Variants in SHISA5 observed in about 807,000 individuals in gnomAD.
The protein encoded by SHISA5 is protein shisa-5.
A neutral mutation model predicts 27.5 loss-of-function variants in SHISA5; 21 were observed. That is an observed-to-expected ratio of 0.76 (90% CI 0.54 to 1.10). The LOEUF (loss-of-function observed/expected upper bound fraction) is 1.10, where lower values mean the gene tolerates loss of function less well. Among genes scored for constraint, SHISA5 ranks in the 50% least tolerant of loss-of-function variants. The probability of loss-of-function intolerance (pLI) is 0.00; values close to 1 mark genes in which losing one functional copy is unlikely to be tolerated. For missense variants in SHISA5, 314 were observed against 336.3 expected (o/e 0.93, Z 0.52); for synonymous variants, 137 against 142.2 (o/e 0.96, Z 0.26).
intron 2 of SHISA5, among the ~76,000 whole-genome samples, chr3:48,491,705 G>A (rs1251250442): frequency 6.6e-6 from 1 of 151,970 alleles, no homozygotes; most frequent in African/African-American, 2.4e-5. Context: ...GGAGTAGAGT[G>A]GCACGATCTC....
Position 48,473,551 on chromosome 3 carries a change from T to A in SHISA5, c.315-3708A>T. ...GCAAAGTCCAGCCTGTCCCTTTAGCTCCTCCTCTCCCACCAGCACTCTCTC... is the reference window on the plus strand; with the variant it reads ...GCAAAGTCCAGCCTGTCCCTTTAGCACCTCCTCTCCCACCAGCACTCTCTC... On this transcript the variant is annotated intron_variant, in intron 3 of 5. Coordinates refer to ENST00000296444, the MANE Select transcript of SHISA5 (RefSeq NM_016479.6). The surrounding 1 kb of genome is among the most constrained non-coding windows in gnomAD (Gnocchi z 4.3). 1 of 1,278,994 alleles carries A rather than the reference T, an allele frequency of 7.8e-7. No homozygotes were observed. The allele number at this position is 1,278,994 out of a possible 1,614,324, so 79.2% of individuals were successfully genotyped here.
intron 2 of SHISA5, among the ~76,000 whole-genome samples, chr3:48,486,055 A>G (rs1185668604): frequency 6.7e-6 from 1 of 150,214 alleles, no homozygotes; most frequent in East Asian, 1.9e-4. Context: ...TGAGAACGCT[A>G]GAGTTACTGC....
chr3:48,487,027 C>T (rs1298051231), intron 2 of SHISA5, among the ~76,000 whole-genome samples: 1 of 151,938 alleles, frequency 6.6e-6, no homozygotes, highest in Non-Finnish European at 1.5e-5. Context: ...GGAAGGATTG[C>T]TTAAGCCCAG....
chr3:48,492,263 G>A (rs1307847075), intron 2 of SHISA5, among the ~76,000 whole-genome samples: 2 of 149,862 alleles, frequency 1.3e-5, no homozygotes, highest in East Asian at 4.0e-4. Flanking sequence ...GAGGTCAGGA[G>A]ATCAAGACCA....
chr3:48,477,107 A>AG, intron 3 of SHISA5: 1 of 413,276 alleles, frequency 2.4e-6, no homozygotes, highest in Non-Finnish European at 4.8e-6. Flanking sequence ...ACATTGAGAA[A>AG]AAAAAAAAAA....
intron 2 of SHISA5, among the ~76,000 whole-genome samples, chr3:48,483,141 G>T (rs1390632129): frequency 6.6e-6 from 1 of 151,792 alleles, no homozygotes; most frequent in Non-Finnish European, 1.5e-5. Context: ...CGCAGAGGGG[G>T]ATTTGGCAGA....
At chr3:48,502,284 G>A (rs1421533340) in intron 1 of SHISA5, 1 of 428,604 alleles carries the variant, frequency 2.3e-6, no homozygotes, top group Non-Finnish European at 4.8e-6. Context: ...TAACCATGAT[G>A]GCAGGCTAGA....
At position 48,501,172 on chromosome 3, in the gene SHISA5, C is replaced by G. The variant is rs769707603; in HGVS notation, c.198G>C (p.Val66=). 2 of 1,614,016 alleles carry G rather than the reference C, an allele frequency of 1.2e-6. No homozygotes were observed. The highest frequency in any genetic ancestry group is 3.3e-5 in the Admixed American group (2 of 60,002). ...GCACAGCACACCTTTCCTCGCTCCA[C>G]ACAAATTTCTTCAGCACGTCAGAGC... ...YCCSDVLKKF[V]WSEERCAVPE... The change falls in exon 2 of 6, where the codon GTG becomes GTC. Residue 66 remains valine, a synonymous_variant. Coordinates refer to ENST00000296444, the MANE Select transcript of SHISA5 (RefSeq NM_016479.6).
intron 3 of SHISA5, among the ~76,000 whole-genome samples, chr3:48,475,917 G>A (rs2040811774): frequency 1.3e-5 from 2 of 152,142 alleles, no homozygotes; most frequent in South Asian, 4.1e-4. Context: ...GGCCAACCCT[G>A]AGCCCACAAA....
At chr3:48,475,255 A>G (rs2040784016) in intron 3 of SHISA5, among the ~76,000 whole-genome samples, 1 of 152,162 alleles carries the variant, frequency 6.6e-6, no homozygotes, top group African/African-American at 2.4e-5. Context: ...GGGCTAGGGT[A>G]CAAGGCCACA....
upstream of SHISA5, chr3:48,504,197 C>T (rs1306314910): frequency 8.5e-6 from 4 of 469,828 alleles, no homozygotes; most frequent in Admixed American, 4.5e-5. The surrounding 1 kb of genome is among the most constrained non-coding windows in gnomAD (Gnocchi z 4.0). Context: ...CCGCCCCGCC[C>T]CGGCCCGGCT....
At chr3:48,488,610 G>A (rs2041324450) in intron 2 of SHISA5, among the ~76,000 whole-genome samples, 1 of 150,360 alleles carries the variant, frequency 6.7e-6, no homozygotes, top group South Asian at 2.1e-4. Context: ...AAGGCGGGCA[G>A]ATCACCTGAT....
At chr3:48,471,569 A>C (rs1427164096) in intron 3 of SHISA5, among the ~76,000 whole-genome samples, 1 of 110,710 alleles carries the variant, frequency 9.0e-6, no homozygotes, top group African/African-American at 3.7e-5. Context: ...AAAAAAAAAA[A>C]AAAAAAAAAG....
rs2040558522 is a variant in SHISA5, at chr3:48,470,247, A to G, written c.315-404T>C. On this transcript the variant is annotated intron_variant, in intron 3 of 5. Coordinates refer to ENST00000296444, the MANE Select transcript of SHISA5 (RefSeq NM_016479.6). This position sits in a 1 kb window ranked among gnomAD's most constrained non-coding sequence, Gnocchi z 4.3. The stretch of plus-strand genomic sequence containing the variant: ...AAGACAGCCAGCCCTGGCCTCTGGG[A>G]GCCCACAGTCCAGTGTAGGAGGCAG... Among the ~76,000 whole-genome samples, 1 of 152,234 alleles carries G rather than the reference A, an allele frequency of 6.6e-6. No homozygotes were observed. The highest frequency in any genetic ancestry group is 6.5e-5 in the Admixed American group (1 of 15,288).
At chr3:48,477,695 G>T (rs144247678) in intron 3 of SHISA5, among the ~76,000 whole-genome samples, 5 of 152,300 alleles carry the variant, frequency 3.3e-5, no homozygotes, top group African/African-American at 1.2e-4. Flanking sequence ...AGGGTGCCAT[G>T]GACTCCGTGG....
Position 48,469,866 on chromosome 3 carries a change from C to A in SHISA5, c.315-23G>T. Reference sequence around the variant, plus strand: ...AACCTGCCAAAGAGCTAGACGTGACCCGGGGCACCTCGCCCCTCCCCAGAC... The same window carrying A: ...AACCTGCCAAAGAGCTAGACGTGACACGGGGCACCTCGCCCCTCCCCAGAC... On this transcript the variant is annotated intron_variant, in intron 3 of 5. Coordinates refer to ENST00000296444, the MANE Select transcript of SHISA5 (RefSeq NM_016479.6). The surrounding 1 kb of genome is among the most constrained non-coding windows in gnomAD (Gnocchi z 4.6). 1 of 1,605,746 alleles carries A rather than the reference C, an allele frequency of 6.2e-7. No individual in the cohort carries two copies. The highest frequency in any genetic ancestry group is 8.5e-7 in the Non-Finnish European group (1 of 1,175,996).
chr3:48,473,472 T>A lies in SHISA5; in HGVS notation c.315-3629A>T, dbSNP rs1477912585. 1.5e-6 allele frequency: 2 copies of A among 1,292,986 alleles called. No individual in the cohort carries two copies. The highest frequency in any genetic ancestry group is 1.1e-4 in the East Asian group (2 of 18,204). 80.1% of individuals were successfully genotyped at this position (1,292,986 alleles called of 1,614,324 possible). ...CCAGCCTCCAGGAGGAGCTTCTGCA[T>A]CCATCTAGGCCCAGAGGGCGACCCT... On this transcript the variant is annotated intron_variant, in intron 3 of 5. Coordinates refer to ENST00000296444, the MANE Select transcript of SHISA5 (RefSeq NM_016479.6). This position sits in a 1 kb window ranked among gnomAD's most constrained non-coding sequence, Gnocchi z 4.3.
intron 2 of SHISA5, among the ~76,000 whole-genome samples, chr3:48,489,579 C>A (rs1464857372): frequency 2.0e-5 from 3 of 150,062 alleles, no homozygotes; most frequent in Non-Finnish European, 1.5e-5. Context: ...GCCTCGGCCT[C>A]CCAAAGTGCT....
At position 48,467,906 on chromosome 3, in the gene SHISA5, G is replaced by T. The variant is rs1454974935; in HGVS notation, c.*1201C>A. On this transcript the variant is annotated 3_prime_UTR_variant, in exon 6 of 6. Coordinates refer to ENST00000296444, the MANE Select transcript of SHISA5 (RefSeq NM_016479.6). Reference sequence around the variant, plus strand: ...ACGATTGCATTTATTATAAACAAGTGTACAGACCCTAGACTCAGAAACACA... The same window carrying T: ...ACGATTGCATTTATTATAAACAAGTTTACAGACCCTAGACTCAGAAACACA... 6.9e-6 allele frequency: 3 copies of T among 432,064 alleles called. No homozygotes were observed. The highest frequency in any genetic ancestry group is 2.0e-5 in the African/African-American group (1 of 50,516). 26.8% of individuals were successfully genotyped at this position (432,064 alleles called of 1,614,324 possible). A position where few individuals can be genotyped will look rare whatever the true frequency, so the allele number is the denominator to read the frequency against.
Sources: allele counts gnomAD v4.1 joint callset (sites outside exome capture counted in the v4.1 genomes callset), GRCh38; gene constraint gnomAD v4.1.1; non-coding constraint Gnocchi (gnomAD v3.1); transcripts MANE v1.5; gene names NCBI Gene and HGNC (gene_info 2026-07-23, HGNC 2026-07-21).